Variants in ATP11A observed in about 807,000 individuals in gnomAD.
ATP11A encodes the protein ATPase phospholipid transporting 11A, also known as phospholipid-transporting ATPase IH.
A neutral mutation model predicts 154.4 loss-of-function variants in ATP11A; 81 were observed. The observed-to-expected ratio is 0.52, with a 90% CI of 0.44 to 0.63. The LOEUF is 0.63. Ranked by LOEUF, ATP11A falls within the 30% of genes least tolerant of loss-of-function variation. ATP11A has a pLI of 0.00. For missense variants in ATP11A, 1,316 were observed against 1,474.3 expected, an observed-to-expected ratio of 0.89 and a Z score of 1.76; for synonymous variants, 623 against 585.9, an observed-to-expected ratio of 1.06 and a Z score of -0.91.
intron 16 of ATP11A, among the ~76,000 whole-genome samples, chr13:112,840,049 G>A (rs1054355042): frequency 5.3e-5 from 8 of 152,006 alleles, no homozygotes; most frequent in African/African-American, 1.9e-4. Context: ...CACCTCTGCA[G>A]TTCTGCAGAG....
At chr13:112,780,903 G>A (rs550595561) in intron 1 of ATP11A, among the ~76,000 whole-genome samples, 2 of 152,296 alleles carry the variant, frequency 1.3e-5, no homozygotes, top group African/African-American at 4.8e-5. Context: ...GAGCTGTGTG[G>A]CTGATCCTGT....
At position 112,814,538 on chromosome 13, in the gene ATP11A, T is replaced by C. The variant is rs989677773; in HGVS notation, c.442-1545T>C. Among the ~76,000 whole-genome samples the C allele has an allele frequency of 3.0e-4, 45 of 152,208 alleles. 1 individual carries two copies. Among genetic ancestry groups the C allele is most frequent in the Admixed American group, 2.9e-3 (44 of 15,286 alleles). On this transcript the variant is annotated intron_variant, in intron 5 of 29. Coordinates refer to ENST00000375645, the MANE Select transcript of ATP11A (RefSeq NM_015205.3). ...GATGATTTTTGTATAAGGTGTGAGG[T>C]TTCAGTCAGGTTTGTTTCTGTCCTT... is the stretch of plus-strand genomic sequence containing the variant.
chr13:112,833,957 C>A (rs1185329775), intron 14 of ATP11A, among the ~76,000 whole-genome samples: 1 of 152,236 alleles, frequency 6.6e-6, no homozygotes, highest in African/African-American at 2.4e-5. Context: ...CACTGCCATC[C>A]CCCTGGTGCC....
intron 1 of ATP11A, among the ~76,000 whole-genome samples, chr13:112,783,932 G>T (rs966179572): frequency 6.6e-6 from 1 of 152,206 alleles, no homozygotes; most frequent in African/African-American, 2.4e-5. Context: ...CTTTGCAGGA[G>T]AGCCTTCCTG....
chr13:112,729,935 G>A (rs1447812129), intron 1 of ATP11A, among the ~76,000 whole-genome samples: 2 of 152,246 alleles, frequency 1.3e-5, no homozygotes, highest in Non-Finnish European at 2.9e-5. Context: ...AGATGTAACA[G>A]TAGTACTTAC....
chr13:112,754,697 G>T lies in ATP11A; in HGVS notation c.40-30438G>T. On this transcript the variant is annotated intron_variant, in intron 1 of 29. Transcript: ENST00000375645. The surrounding 1 kb of genome is among the most constrained non-coding windows in gnomAD (Gnocchi z 5.3). Reference sequence around the variant, plus strand: ...CACAGGTGGACCCATCGCCTCCAAAGCCTGTGGGTCTCATTGGCTGGAATG... The same window carrying T: ...CACAGGTGGACCCATCGCCTCCAAATCCTGTGGGTCTCATTGGCTGGAATG... 6.6e-6 allele frequency: 1 copy of T among 152,512 alleles called. No homozygotes were observed. Among genetic ancestry groups the T allele is most frequent in the East Asian group, 1.9e-4 (1 of 5,188 alleles). The allele number at this position is 152,512 out of a possible 1,614,324, so 9.4% of individuals were successfully genotyped here.
At chr13:112,783,774 G>A (rs150610647) in intron 1 of ATP11A, among the ~76,000 whole-genome samples, 153 of 152,358 alleles carry the variant, frequency 1.0e-3, no homozygotes, top group African/African-American at 3.5e-3. Flanking sequence ...TGGATTTCCC[G>A]TTACGAGCTA....
intron 25 of ATP11A, among the ~76,000 whole-genome samples, chr13:112,871,292 A>G (rs1257762167): frequency 2.6e-5 from 4 of 152,218 alleles, no homozygotes; most frequent in African/African-American, 9.6e-5. Flanking sequence ...TACTCAGGCA[A>G]CTGTCTTTTC....
intron 1 of ATP11A, among the ~76,000 whole-genome samples, chr13:112,742,290 C>T (rs1167539015): frequency 6.6e-6 from 1 of 152,148 alleles, no homozygotes; most frequent in African/African-American, 2.4e-5. Flanking sequence ...GGGGGAGACA[C>T]CTCCTGTGGA....
rs374879536 is a variant in ATP11A, at chr13:112,870,531, G to A, written c.2992-1204G>A. Among the ~76,000 whole-genome samples, 31 of 152,230 alleles carry A rather than the reference G, an allele frequency of 2.0e-4. No individual in the cohort carries two copies. In the East Asian group the frequency reaches 2.9e-3, roughly 14 times the overall value. On this transcript the variant is annotated intron_variant, in intron 25 of 29. Transcript: ENST00000375645. ...GTGGCTGAGATTACAGGCAGGCGCC[G>A]CTACGCCCGGCTAATGTTTGTATTC... is the stretch of plus-strand genomic sequence containing the variant.
chr13:112,798,109 T>G (rs1361842384), intron 2 of ATP11A, among the ~76,000 whole-genome samples: 1 of 152,126 alleles, frequency 6.6e-6, no homozygotes, highest in African/African-American at 2.4e-5. Context: ...CGAGCCCTTT[T>G]ATACAGGCAC....
intron 29 of ATP11A, chr13:112,878,602 A>C: frequency 2.1e-6 from 1 of 483,702 alleles, no homozygotes; most frequent in Non-Finnish European, 3.7e-6. Context: ...TGGCCACATG[A>C]CCCCTCACAC....
intron 1 of ATP11A, chr13:112,745,543 A>T (rs756730718): frequency 6.6e-6 from 1 of 152,232 alleles, no homozygotes; most frequent in Non-Finnish European, 1.5e-5. Context: ...GAATAAAAGG[A>T]TGCACAATAA....
rs544439108 is a variant in ATP11A, at chr13:112,806,123, A to G, written c.253-90A>G. On this transcript the variant is annotated intron_variant, in intron 3 of 29. Coordinates refer to ENST00000375645, the MANE Select transcript of ATP11A (RefSeq NM_015205.3). ...AAGGTCTTTAAATAAGTCAAAGCGA[A>G]TGGGAAGTGCTGGCTCAGGGCAAAC... The G allele has an allele frequency of 6.2e-5, 55 of 893,552 alleles. 1 individual carries two copies. The South Asian group carries it at 8.0e-4, about 13-fold the overall frequency. The allele number at this position is 893,552 out of a possible 1,614,324, so 55.4% of individuals were successfully genotyped here.
chr13:112,828,118 G>GA (rs143513857), intron 12 of ATP11A, among the ~76,000 whole-genome samples: 30 of 122,056 alleles, frequency 2.5e-4, no homozygotes, highest in Middle Eastern at 5.4e-3. Context: ...TGAGTGGGGG[G>GA]AAGCGCCCAG....
At chr13:112,701,662 C>G (rs1482905795) in intron 1 of ATP11A, among the ~76,000 whole-genome samples, 2 of 151,970 alleles carry the variant, frequency 1.3e-5, no homozygotes, top group South Asian at 4.2e-4. Flanking sequence ...GAAACCCCGT[C>G]TTTCCTAAAA....
At chr13:112,770,790 C>T (rs1166592370) in intron 1 of ATP11A, among the ~76,000 whole-genome samples, 2 of 152,144 alleles carry the variant, frequency 1.3e-5, no homozygotes, top group Non-Finnish European at 2.9e-5. Context: ...GCGGCGATGG[C>T]GAGTCAGGAG....
intron 1 of ATP11A, among the ~76,000 whole-genome samples, chr13:112,780,211 G>A (rs991791999): frequency 1.3e-5 from 2 of 152,038 alleles, no homozygotes; most frequent in African/African-American, 4.8e-5. Flanking sequence ...CATGCAATCC[G>A]TTGGTTCCAA....
chr13:112,707,434 AG>A (rs1160864074), intron 1 of ATP11A, among the ~76,000 whole-genome samples: 3 of 146,352 alleles, frequency 2.0e-5, no homozygotes, highest in South Asian at 4.3e-4. Flanking sequence ...AAAAAAAAAA[AG>A]AAGAAGAAGT....
Sources: allele counts gnomAD v4.1 joint callset (sites outside exome capture counted in the v4.1 genomes callset), GRCh38; gene constraint gnomAD v4.1.1; non-coding constraint Gnocchi (gnomAD v3.1); transcripts MANE v1.5; gene names NCBI Gene and HGNC (gene_info 2026-07-23, HGNC 2026-07-21).